The following MVB12B variants were observed in gnomAD, a reference collection of about 807,000 sequenced individuals.
MVB12B encodes the protein ESCRT-I complex subunit MVB12B.
In MVB12B, 16 loss-of-function variants were observed where a neutral mutation model predicts 41.6. That is an observed-to-expected ratio of 0.38 (90% CI 0.26 to 0.58). The LOEUF (loss-of-function observed/expected upper bound fraction) is 0.58. Ranked by LOEUF, MVB12B falls within the 20% of genes least tolerant of loss-of-function variation. MVB12B has a pLI of 0.62. For missense variants in MVB12B, 274 were observed against 380.2 expected, an observed-to-expected ratio of 0.72 and a Z score of 2.32; for synonymous variants, 133 against 139.7, an observed-to-expected ratio of 0.95 and a Z score of 0.34.
chr9:126,447,621 C>T (rs997103148), intron 7 of MVB12B, among the ~76,000 whole-genome samples: 4 of 151,928 alleles, frequency 2.6e-5, no homozygotes, highest in Non-Finnish European at 4.4e-5. Context: ...CTAAATGCTC[C>T]GTTGATACTT....
In MVB12B at chr9:126,468,343, C is replaced by A. The variant is rs1833239960; in HGVS notation, c.758-13026C>A. On this transcript the variant is annotated intron_variant, in intron 7 of 9. Transcript: ENST00000361171. The surrounding 1 kb of genome is among the most constrained non-coding windows in gnomAD (Gnocchi z 4.3). ...ACATTCTCGGTCATAATGTTCTAACCAGTGTTGACCAGTTGCCTCCCCTTG... is the reference window on the plus strand; with the variant it reads ...ACATTCTCGGTCATAATGTTCTAACAAGTGTTGACCAGTTGCCTCCCCTTG... Among the ~76,000 whole-genome samples the A allele has an allele frequency of 6.6e-6, 1 of 152,212 alleles. No homozygotes were observed. Among genetic ancestry groups the A allele is most frequent in the African/African-American group, 2.4e-5 (1 of 41,448 alleles).
In MVB12B at chr9:126,347,445, T is replaced by G. The variant is rs576729068; in HGVS notation, c.204+6815T>G. Among the ~76,000 whole-genome samples, 37 of 152,362 alleles carry G rather than the reference T, an allele frequency of 2.4e-4. No individual in the cohort carries two copies. In the South Asian group the frequency reaches 7.5e-3, roughly 31 times the overall value. On this transcript the variant is annotated intron_variant, in intron 2 of 9. Transcript: ENST00000361171. ...CCTTTTTTAAAAAAACAACTGGACC[T>G]GTATAATTTATATATGCCCAAAACG...
In MVB12B at chr9:126,376,458, G is replaced by A; in HGVS notation, c.205-4606G>A. The stretch of plus-strand genomic sequence containing the variant: ...GTTGGGATTTAAGATGGAGGCACCA[G>A]CTCATGGGCTGGAGCCCTGTGGGTG... On this transcript the variant is annotated intron_variant, in intron 2 of 9. Transcript: ENST00000361171. The surrounding 1 kb of genome is among the most constrained non-coding windows in gnomAD (Gnocchi z 4.1). The A allele has an allele frequency of 8.0e-7, 1 of 1,255,832 alleles. No individual in the cohort carries two copies. Among genetic ancestry groups the A allele is most frequent in the Non-Finnish European group, 1.0e-6 (1 of 959,114 alleles). 77.8% of individuals were successfully genotyped at this position (1,255,832 alleles called of 1,614,324 possible).
At chr9:126,342,877 A>T (rs533725069) in intron 2 of MVB12B, among the ~76,000 whole-genome samples, 1 of 152,148 alleles carries the variant, frequency 6.6e-6, no homozygotes, top group East Asian at 1.9e-4. Flanking sequence ...CTTAGACAGA[A>T]CTCCAGCAGA....
intron 2 of MVB12B, among the ~76,000 whole-genome samples, chr9:126,348,600 C>T (rs1829661357): frequency 6.6e-6 from 1 of 152,226 alleles, no homozygotes; most frequent in African/African-American, 2.4e-5. Flanking sequence ...AGGGAACAGG[C>T]AGTGTTCTGG....
chr9:126,481,560 G>A (rs764469229), intron 8 of MVB12B, 136 bp downstream of exon 8: 18 of 719,314 alleles, frequency 2.5e-5, no homozygotes, highest in East Asian at 1.5e-4. Flanking sequence ...GTCCGCCTGC[G>A]TGTCCTCTCT....
chr9:126,327,215 G>A (rs1312601457), intron 1 of MVB12B: 1 of 982,582 alleles, frequency 1.0e-6, no homozygotes, highest in East Asian at 1.1e-4. Flanking sequence ...CGCGGCTGCC[G>A]GTGCCCGGGC....
At chr9:126,346,376 G>A (rs1489551193) in intron 2 of MVB12B, among the ~76,000 whole-genome samples, 3 of 152,134 alleles carry the variant, frequency 2.0e-5, no homozygotes, top group Non-Finnish European at 4.4e-5. Context: ...GTTGGGAGGT[G>A]GGGGAGTAGG....
intron 8 of MVB12B, among the ~76,000 whole-genome samples, chr9:126,481,946 A>C (rs1833532320): frequency 6.6e-6 from 1 of 152,232 alleles, no homozygotes; most frequent in African/African-American, 2.4e-5. Context: ...CCGCCATGCA[A>C]ATGTGGTGCC....
At chr9:126,431,666 C>T (rs889751891) in intron 7 of MVB12B, among the ~76,000 whole-genome samples, 1 of 152,160 alleles carries the variant, frequency 6.6e-6, no homozygotes, top group African/African-American at 2.4e-5. Flanking sequence ...TAATGGGCCA[C>T]ATCCCCTTCT....
rs1833371771 is a variant in MVB12B, at chr9:126,473,833, A to G, written c.758-7536A>G. Among the ~76,000 whole-genome samples, 1 of 152,210 alleles carries G rather than the reference A, an allele frequency of 6.6e-6. No individual in the cohort carries two copies. The highest frequency in any genetic ancestry group is 2.4e-5 in the African/African-American group (1 of 41,456). The stretch of plus-strand genomic sequence containing the variant: ...TGGGGACACAGATTCAAGCCACGTT[A>G]AGTGGTAATGTTGAGGCTTGAGTTA... On this transcript the variant is annotated intron_variant, in intron 7 of 9. Coordinates refer to ENST00000361171, the MANE Select transcript of MVB12B (RefSeq NM_033446.3). This position sits in a 1 kb window ranked among gnomAD's most constrained non-coding sequence, Gnocchi z 4.0.
Position 126,376,139 on chromosome 9 carries a change from C to A in MVB12B, c.205-4925C>A, listed in dbSNP as rs777036754. Among the ~76,000 whole-genome samples the A allele has an allele frequency of 6.6e-6, 1 of 152,178 alleles. No homozygotes were observed. The highest frequency in any genetic ancestry group is 1.5e-5 in the Non-Finnish European group (1 of 68,046). On this transcript the variant is annotated intron_variant, in intron 2 of 9. Transcript: ENST00000361171. This position sits in a 1 kb window ranked among gnomAD's most constrained non-coding sequence, Gnocchi z 4.1. The stretch of plus-strand genomic sequence containing the variant: ...TTGATCTCTTCATCTCTGTACTTTA[C>A]CTTCTGGAAGATTTCCTCAGCTTTC...
At chr9:126,465,650 G>C (rs1378211431) in intron 7 of MVB12B, among the ~76,000 whole-genome samples, 3 of 127,822 alleles carry the variant, frequency 2.3e-5, no homozygotes, top group Non-Finnish European at 4.8e-5. Flanking sequence ...TTAAATGCAC[G>C]AGTGGCCTCC....
intron 2 of MVB12B, among the ~76,000 whole-genome samples, chr9:126,368,838 C>A (rs752323467): frequency 7.2e-5 from 11 of 152,212 alleles, no homozygotes; most frequent in Non-Finnish European, 1.2e-4. Flanking sequence ...TGACTTTTTT[C>A]TCTGCATTTA....
intron 9 of MVB12B, among the ~76,000 whole-genome samples, chr9:126,491,332 G>T (rs147155349): frequency 6.6e-6 from 1 of 152,174 alleles, no homozygotes; most frequent in East Asian, 1.9e-4. Context: ...AAATGGCAGC[G>T]TCCCAATTTT....
intron 7 of MVB12B, among the ~76,000 whole-genome samples, chr9:126,476,327 G>A (rs932310456): frequency 1.3e-5 from 2 of 152,184 alleles, no homozygotes; most frequent in African/African-American, 4.8e-5. Flanking sequence ...TCCCCAGGGT[G>A]CCCCAGAAGG....
In MVB12B at chr9:126,395,559, C is replaced by G. The variant is rs1484177013; in HGVS notation, c.540-16C>G. 1.2e-6 allele frequency: 2 copies of G among 1,613,902 alleles called. No homozygotes were observed. Among genetic ancestry groups the G allele is most frequent in the Admixed American group, 3.3e-5 (2 of 59,990 alleles). On this transcript the variant is annotated splice_polypyrimidine_tract_variant and intron_variant, in intron 5 of 9. Transcript: ENST00000361171. The surrounding 1 kb of genome is among the most constrained non-coding windows in gnomAD (Gnocchi z 4.9). ...GTGCTAACCAGAGCCATGAAGATTTCTCTTTTTTCCTAAAGGGAACTGAAC... is the reference window on the plus strand; with the variant it reads ...GTGCTAACCAGAGCCATGAAGATTTGTCTTTTTTCCTAAAGGGAACTGAAC...
At chr9:126,445,251 T>G (rs1588178431) in intron 7 of MVB12B, among the ~76,000 whole-genome samples, 1 of 152,216 alleles carries the variant, frequency 6.6e-6, no homozygotes, top group Non-Finnish European at 1.5e-5. Context: ...GCTTTCTGTT[T>G]ATATAATTCC....
At chr9:126,496,713 G>A (rs1230906634) in intron 9 of MVB12B, among the ~76,000 whole-genome samples, 1 of 152,100 alleles carries the variant, frequency 6.6e-6, no homozygotes, top group African/African-American at 2.4e-5. Flanking sequence ...AGAGGAGAGA[G>A]AACCATGCAG....
Sources: allele counts gnomAD v4.1 joint callset (sites outside exome capture counted in the v4.1 genomes callset), GRCh38; gene constraint gnomAD v4.1.1; non-coding constraint Gnocchi (gnomAD v3.1); transcripts MANE v1.5; gene names NCBI Gene and HGNC (gene_info 2026-07-23, HGNC 2026-07-21).